N4BP2L2: variants seen among roughly 807,000 people sequenced by gnomAD.
N4BP2L2 encodes the protein NEDD4-binding protein 2-like 2.
In N4BP2L2, 50 loss-of-function variants were observed where a neutral mutation model predicts 56.2. That is an observed-to-expected ratio of 0.89 (90% confidence interval 0.71 to 1.13). The LOEUF (loss-of-function observed/expected upper bound fraction) is 1.13, where lower values mean the gene tolerates loss of function less well. Among genes scored for constraint, N4BP2L2 ranks in the 50% most tolerant of loss-of-function variants. The pLI is 0.00. For synonymous variants in N4BP2L2, 203 were observed against 223.6 expected (o/e 0.91, Z 0.82); for missense variants, 689 against 693.8 (o/e 0.99, Z 0.08).
chr13:32,533,607 G>A (rs1010376920), intron 2 of N4BP2L2, among the ~76,000 whole-genome samples: 6 of 145,854 alleles, frequency 4.1e-5, no homozygotes, highest in Admixed American at 1.4e-4. Flanking sequence ...CTGTAGCCTC[G>A]GCAGCTCAGC....
chr13:32,510,186 A>C (rs2091550303), downstream of N4BP2L2: 1 of 152,240 alleles, frequency 6.6e-6, no homozygotes, highest in East Asian at 1.9e-4. Context: ...TTACGTAACA[A>C]GTGGACATAA....
exon 7 of N4BP2L2, chr13:32,442,752 A>G (rs2076561032): frequency 6.2e-7 from 1 of 1,613,380 alleles, no homozygotes; most frequent in South Asian, 1.1e-5. Flanking sequence ...CAAAAGAAGG[A>G]ATATAATTTT....
chr13:32,440,588 T>A (rs1238245301), intron 7 of N4BP2L2, among the ~76,000 whole-genome samples: 1 of 151,920 alleles, frequency 6.6e-6, no homozygotes, highest in Non-Finnish European at 1.5e-5. Flanking sequence ...TGCCTCAGCC[T>A]CCTAACTAGG....
At chr13:32,532,153 T>C (rs1403746355) in intron 2 of N4BP2L2, among the ~76,000 whole-genome samples, 2 of 152,192 alleles carry the variant, frequency 1.3e-5, no homozygotes, top group South Asian at 2.1e-4. Flanking sequence ...ACGCAACATA[T>C]GCACAGGTTT....
At chr13:32,469,793 T>G (rs1224534881) in intron 6 of N4BP2L2, among the ~76,000 whole-genome samples, 1 of 152,218 alleles carries the variant, frequency 6.6e-6, no homozygotes, top group Non-Finnish European at 1.5e-5. Flanking sequence ...ATAGACTTGG[T>G]GCAACTCAAT....
chr13:32,474,278 C>A (rs703228), intron 6 of N4BP2L2, among the ~76,000 whole-genome samples: 134 of 151,478 alleles, frequency 8.8e-4, no homozygotes, highest in Admixed American at 2.8e-3. Context: ...TTATTATTAC[C>A]ATTATATTAT....
intron 7 of N4BP2L2, among the ~76,000 whole-genome samples, chr13:32,440,760 G>T (rs999373320): frequency 6.6e-6 from 1 of 151,978 alleles, no homozygotes; most frequent in Admixed American, 6.6e-5. Flanking sequence ...ACTGTGGCCG[G>T]CCCAAAAAGA....
At chr13:32,473,973 T>A (rs944418443) in intron 6 of N4BP2L2, among the ~76,000 whole-genome samples, 4 of 152,232 alleles carry the variant, frequency 2.6e-5, no homozygotes, top group Non-Finnish European at 5.9e-5. Flanking sequence ...AGGGGAAGCA[T>A]TATTCTGCTT....
At chr13:32,517,604 T>C (rs2049518779) in exon 6 of N4BP2L2, 1 of 1,366,642 alleles carries the variant, frequency 7.3e-7, no homozygotes, top group African/African-American at 1.5e-5. Flanking sequence ...AACAAGAGAA[T>C]ATAAAAACAT....
chr13:32,458,107 C>CA (rs1298191430), intron 6 of N4BP2L2, among the ~76,000 whole-genome samples: 1 of 151,396 alleles, frequency 6.6e-6, no homozygotes, highest in African/African-American at 2.5e-5. Context: ...CTCTGTTGCC[C>CA]AGGCTAGAGT....
intron 2 of N4BP2L2, among the ~76,000 whole-genome samples, chr13:32,531,899 T>C (rs892534809): frequency 6.6e-6 from 1 of 152,192 alleles, no homozygotes; most frequent in Non-Finnish European, 1.5e-5. Flanking sequence ...TTCCTTGCCT[T>C]TTCCAGCTTC....
intron 6 of N4BP2L2, among the ~76,000 whole-genome samples, chr13:32,455,262 C>A (rs1044180782): frequency 6.6e-6 from 1 of 152,172 alleles, no homozygotes; most frequent in Non-Finnish European, 1.5e-5. Flanking sequence ...ATATAGTGTG[C>A]GGCACCCTGG....
At chr13:32,443,427 T>C in exon 7 of N4BP2L2, 1 of 1,614,032 alleles carries the variant, frequency 6.2e-7, no homozygotes. Flanking sequence ...CTTCATCAGA[T>C]AAATTGGTTG....
chr13:32,528,351 G>T lies in N4BP2L2; in HGVS notation c.1260-819C>A, dbSNP rs73447376. ...AAATAGTTGGAGGCTTAAGGTTATG[G>T]AACAATCTGTGATCCTCCAAAGTAT... On this transcript the variant is annotated intron_variant, in intron 2 of 5. Transcript: ENST00000267068. 3.7e-3 allele frequency among the ~76,000 whole-genome samples: 570 copies of T among 152,254 alleles called. 2 individuals carry two copies. Among genetic ancestry groups the T allele is most frequent in the African/African-American group, 0.013 (522 of 41,528 alleles).
chr13:32,438,536 T>G (rs1593373870), intron 8 of N4BP2L2: 2 of 691,134 alleles, frequency 2.9e-6, no homozygotes, highest in Admixed American at 2.9e-5. Context: ...GAGGTGGAGG[T>G]TGTGGTGAGC....
At chr13:32,499,610 A>C (rs1413185072) in intron 6 of N4BP2L2, among the ~76,000 whole-genome samples, 1 of 152,160 alleles carries the variant, frequency 6.6e-6, no homozygotes. Context: ...TACATCTATC[A>C]TATTCTTCAC....
At chr13:32,487,596 C>A (rs916497212) in intron 6 of N4BP2L2, among the ~76,000 whole-genome samples, 1 of 149,568 alleles carries the variant, frequency 6.7e-6, no homozygotes, top group Non-Finnish European at 1.5e-5. Flanking sequence ...CACTTGAACC[C>A]GGGAGGAAGA....
At chr13:32,493,723 TCATATAACTGCCTGAGG>T (rs2087763596) in intron 6 of N4BP2L2, among the ~76,000 whole-genome samples, 1 of 152,226 alleles carries the variant, frequency 6.6e-6, no homozygotes, top group African/African-American at 2.4e-5. Flanking sequence ...AAATAAACCT[TCATATAACTGCCTGAGG>T]CATATAACTG....
intron 6 of N4BP2L2, among the ~76,000 whole-genome samples, chr13:32,455,547 A>G (rs780734624): frequency 3.9e-5 from 6 of 152,160 alleles, no homozygotes; most frequent in Non-Finnish European, 8.8e-5. Context: ...GCACATGCCG[A>G]GGACAGGTCC....
Sources: allele counts gnomAD v4.1 joint callset (sites outside exome capture counted in the v4.1 genomes callset), GRCh38; gene constraint gnomAD v4.1.1; transcripts MANE v1.5; gene names NCBI Gene and HGNC (gene_info 2026-07-23, HGNC 2026-07-21).